The following DEPDC1B variants were observed in gnomAD, a reference collection of about 807,000 sequenced individuals.
DEPDC1B encodes the protein DEP domain-containing protein 1B.
A neutral mutation model predicts 66.5 loss-of-function variants in DEPDC1B; 51 were observed. The observed-to-expected ratio is 0.77, with a 90% CI of 0.61 to 0.97. The LOEUF (loss-of-function observed/expected upper bound fraction) is 0.97, where lower values mean the gene tolerates loss of function less well. Among genes scored for constraint, DEPDC1B ranks in the 50% least tolerant of loss-of-function variants. DEPDC1B has a pLI of 0.00. For synonymous variants in DEPDC1B, 226 were observed against 223.6 expected (o/e 1.01, Z -0.10); for missense variants, 552 against 637.1 (o/e 0.87, Z 1.44).
chr5:60,650,161 G>A (rs779425673), intron 2 of DEPDC1B, among the ~76,000 whole-genome samples: 61 of 120,014 alleles, frequency 5.1e-4, no homozygotes, highest in Non-Finnish European at 9.5e-4. Flanking sequence ...GACCAGCCTG[G>A]GCAATAAAGC....
intron 7 of DEPDC1B, among the ~76,000 whole-genome samples, chr5:60,619,378 A>G (rs1288756446): frequency 1.3e-5 from 2 of 152,220 alleles, no homozygotes; most frequent in African/African-American, 4.8e-5. Context: ...ATGATTGTAT[A>G]TCTAGAAAAC....
chr5:60,616,832 T>C (rs1370082761), intron 7 of DEPDC1B, among the ~76,000 whole-genome samples: 1 of 152,078 alleles, frequency 6.6e-6, no homozygotes, highest in Non-Finnish European at 1.5e-5. Context: ...AGACACATAA[T>C]TGTCAGATTC....
intron 7 of DEPDC1B, among the ~76,000 whole-genome samples, chr5:60,635,517 A>G (rs755263136): frequency 1.3e-5 from 2 of 152,234 alleles, no homozygotes; most frequent in East Asian, 3.8e-4. Context: ...CTATTATCTC[A>G]GTATTCCAGC....
intron 2 of DEPDC1B, among the ~76,000 whole-genome samples, chr5:60,673,202 T>C (rs983111351): frequency 6.6e-6 from 1 of 152,202 alleles, no homozygotes; most frequent in Non-Finnish European, 1.5e-5. Context: ...CAGCAAACTA[T>C]TCTCTGACTG....
intron 5 of DEPDC1B, among the ~76,000 whole-genome samples, chr5:60,644,336 C>T (rs995540562): frequency 6.6e-6 from 1 of 152,004 alleles, no homozygotes; most frequent in Non-Finnish European, 1.5e-5. Flanking sequence ...TAAAAAGAAC[C>T]AAGACTATTC....
At chr5:60,602,164 A>C (rs1752212756) in intron 9 of DEPDC1B, among the ~76,000 whole-genome samples, 1 of 126,128 alleles carries the variant, frequency 7.9e-6, no homozygotes, top group African/African-American at 3.0e-5. Flanking sequence ...GGTGGGAAGG[A>C]GGGAAGGAAG....
At chr5:60,626,377 A>T (rs1336910751) in intron 7 of DEPDC1B, among the ~76,000 whole-genome samples, 1 of 152,154 alleles carries the variant, frequency 6.6e-6, no homozygotes, top group Non-Finnish European at 1.5e-5. Context: ...TGCTGCTATG[A>T]ACATTTGTGT....
chr5:60,668,087 A>T lies in DEPDC1B; in HGVS notation c.314+18875T>A, dbSNP rs866458185. On this transcript the variant is annotated intron_variant, in intron 2 of 10. Transcript: ENST00000265036. ...TATATATATATAAAATGGATATTTT[A>T]TATATATATATAAAATGGATATTTT... Among the ~76,000 whole-genome samples, 120 of 42,098 alleles carry T rather than the reference A, an allele frequency of 2.9e-3. 2 individuals carry two copies. Among genetic ancestry groups the T allele is most frequent in the Non-Finnish European group, 2.6e-3 (64 of 24,794 alleles). The allele number at this position is 42,098 out of a possible 152,430, so 27.6% of individuals were successfully genotyped here.
intron 2 of DEPDC1B, among the ~76,000 whole-genome samples, chr5:60,657,738 C>A (rs1431412070): frequency 2.0e-5 from 3 of 152,148 alleles, no homozygotes; most frequent in African/African-American, 7.2e-5. Context: ...TCCTTCATCT[C>A]GACTTTAGAT....
intron 2 of DEPDC1B, among the ~76,000 whole-genome samples, chr5:60,671,033 G>A (rs1754023127): frequency 6.6e-6 from 1 of 152,140 alleles, no homozygotes; most frequent in Non-Finnish European, 1.5e-5. Flanking sequence ...CACTGTAACT[G>A]TGAATGGGTT....
intron 2 of DEPDC1B, among the ~76,000 whole-genome samples, chr5:60,660,963 T>C (rs573316189): frequency 1.3e-5 from 2 of 152,256 alleles, no homozygotes; most frequent in African/African-American, 2.4e-5. Flanking sequence ...GTTAGGAAAA[T>C]TGCCTAATAA....
intron 1 of DEPDC1B, among the ~76,000 whole-genome samples, chr5:60,693,906 CA>C (rs1561396524): frequency 6.6e-6 from 1 of 151,950 alleles, no homozygotes; most frequent in Non-Finnish European, 1.5e-5. Flanking sequence ...GTTGGTTGAA[CA>C]ATCATAATCA....
intron 2 of DEPDC1B, among the ~76,000 whole-genome samples, chr5:60,668,417 G>A (rs1032525607): frequency 6.6e-6 from 1 of 151,154 alleles, no homozygotes; most frequent in Non-Finnish European, 1.5e-5. Context: ...TTGGACTACA[G>A]GTGTGTTCCA....
chr5:60,687,103 C>T lies in DEPDC1B; in HGVS notation c.173G>A (p.Arg58Lys). The T allele has an allele frequency of 1.2e-6, 2 of 1,614,186 alleles. No homozygotes were observed. Among genetic ancestry groups the T allele is most frequent in the South Asian group, 2.2e-5 (2 of 91,080 alleles). ...TTCAGGGCCGAAGTTTTGACTGCAC[C>T]TCAGCAGCTCATGCAGCCAATCCAC... is the stretch of plus-strand genomic sequence containing the variant. ...EAVDWLHELLRCSQNFGPEVT... is the reference protein window; with the variant it reads ...EAVDWLHELLKCSQNFGPEVT... Residue 58 changes from arginine to lysine, a missense_variant, in exon 2 of 11, where the codon AGG becomes AAG. Transcript: ENST00000265036.
chr5:60,622,104 A>G (rs1311296653), intron 7 of DEPDC1B, among the ~76,000 whole-genome samples: 3 of 152,222 alleles, frequency 2.0e-5, no homozygotes, highest in African/African-American at 7.2e-5. Flanking sequence ...TACTACAAAA[A>G]TGTACCCATT....
chr5:60,669,319 A>T (rs1753976371), intron 2 of DEPDC1B, among the ~76,000 whole-genome samples: 1 of 152,220 alleles, frequency 6.6e-6, no homozygotes, highest in South Asian at 2.1e-4. Flanking sequence ...TATACTGTGG[A>T]AGCATCAGCA....
rs376519407 is a variant in DEPDC1B at position 60,696,314 on chromosome 5, T to C, written c.48+3732A>G. Among the ~76,000 whole-genome samples the C allele has an allele frequency of 7.2e-5, 11 of 152,364 alleles. No individual in the cohort carries two copies. In the East Asian group the frequency reaches 1.2e-3, roughly 16 times the overall value. On this transcript the variant is annotated intron_variant, in intron 1 of 10. Transcript: ENST00000265036. ...ATAAAACATCTTTATCAAAGTCTCA[T>C]TGCCCCTTTTAAAAAGAGCATTTAT... is the stretch of plus-strand genomic sequence containing the variant.
chr5:60,699,802 G>A (rs1164256796), intron 1 of DEPDC1B, among the ~76,000 whole-genome samples: 1 of 152,156 alleles, frequency 6.6e-6, no homozygotes, highest in Non-Finnish European at 1.5e-5. Context: ...ATCTACTGCC[G>A]AGAACCCAGT....
At position 60,676,784 on chromosome 5, in the gene DEPDC1B, G is replaced by A. The variant is rs371694183; in HGVS notation, c.314+10178C>T. 9.2e-5 allele frequency among the ~76,000 whole-genome samples: 14 copies of A among 152,028 alleles called. No homozygotes were observed. In the East Asian group the frequency reaches 1.7e-3, roughly 19 times the overall value. On this transcript the variant is annotated intron_variant, in intron 2 of 10. Coordinates refer to ENST00000265036, the MANE Select transcript of DEPDC1B (RefSeq NM_018369.3). ...TCCCCATCCCCCTCCCGTTCCATAA[G>A]GTTCCAAACACTCCAGTCCACACCA...
Sources: gnomAD v4.1 joint callset for allele counts (sites outside exome capture counted in the v4.1 genomes callset) on GRCh38, gnomAD v4.1.1 for gene constraint, MANE v1.5 for transcripts, NCBI Gene and HGNC (gene_info 2026-07-23, HGNC 2026-07-21) for gene names.